The following UNC13A variants were observed in gnomAD, a reference collection of about 807,000 sequenced individuals.
UNC13A encodes unc-13 homolog A.
In UNC13A, 61 loss-of-function variants were observed where a neutral mutation model predicts 219.7. The ratio of observed to expected loss-of-function variants is 0.28; its 90% CI spans 0.23 to 0.34. UNC13A has a LOEUF of 0.34. UNC13A is among the 10% of genes least tolerant of loss of function. UNC13A has a pLI of 1.00. For synonymous variants in UNC13A, 920 were observed against 884.6 expected, an observed-to-expected ratio of 1.04 and a Z score of -0.71; for missense variants, 1,476 against 2,270.3, an observed-to-expected ratio of 0.65 and a Z score of 7.11.
rs531626793 is a variant in UNC13A at position 17,611,170 on chromosome 19, AAAACC to A, written c.4651+588_4651+592del. Among the ~76,000 whole-genome samples the A allele has an allele frequency of 2.2e-3, 335 of 152,274 alleles. 1 individual carries two copies. The highest frequency in any genetic ancestry group is 3.4e-3 in the Middle Eastern group (1 of 294). On this transcript the variant is annotated intron_variant, in intron 42 of 43. Coordinates refer to ENST00000519716, the MANE Select transcript of UNC13A (RefSeq NM_001080421.3). ...GCTACTTAAACTGTTATCCCAGAGA[AAAACC>A]AATTCTATCATTTTTGTTTGTTTGT...
chr19:17,613,702 C>CTTTTTTT (rs1157023997), intron 41 of UNC13A: 5 of 124,244 alleles, frequency 4.0e-5, no homozygotes, highest in East Asian at 2.7e-4. Flanking sequence ...TCTTAAGTTT[C>CTTTTTTT]TTTTTTTTTT....
intron 5 of UNC13A, 109 bp downstream of exon 5, chr19:17,669,444 C>G: frequency 7.0e-7 from 1 of 1,421,882 alleles, no homozygotes; most frequent in Non-Finnish European, 9.4e-7. Context: ...TCATTCTCAG[C>G]CTGAAGGGTC....
chr19:17,626,396 CA>C, intron 34 of UNC13A: 1 of 485,656 alleles, frequency 2.1e-6, no homozygotes, highest in Non-Finnish European at 3.7e-6. Flanking sequence ...ACCCATCCCT[CA>C]TGTCACCTAT....
At chr19:17,660,535 GT>G (rs11383230) in intron 8 of UNC13A, among the ~76,000 whole-genome samples, 10 of 139,662 alleles carry the variant, frequency 7.2e-5, no homozygotes, top group South Asian at 2.2e-4. Flanking sequence ...TGGTTTTTGG[GT>G]TTTTTTTTTT....
intron 43 of UNC13A, among the ~76,000 whole-genome samples, chr19:17,606,586 A>AT (rs1019071102): frequency 1.3e-5 from 2 of 150,138 alleles, no homozygotes; most frequent in African/African-American, 4.9e-5. Flanking sequence ...TGTTCTTCCC[A>AT]TTTTTCCACC....
At chr19:17,636,680 C>T (rs2076915503) in intron 25 of UNC13A, among the ~76,000 whole-genome samples, 1 of 152,162 alleles carries the variant, frequency 6.6e-6, no homozygotes, top group African/African-American at 2.4e-5. Context: ...CTCAACTCTA[C>T]CCAAGTCAAC....
intron 1 of UNC13A, among the ~76,000 whole-genome samples, chr19:17,682,847 G>T (rs1260366506): frequency 6.6e-6 from 1 of 152,100 alleles, no homozygotes; most frequent in African/African-American, 2.4e-5. Context: ...TAGATCACTT[G>T]GTGGTCAGGA....
At chr19:17,618,075 C>A (rs1447324598) in intron 40 of UNC13A, among the ~76,000 whole-genome samples, 1 of 152,234 alleles carries the variant, frequency 6.6e-6, no homozygotes, top group African/African-American at 2.4e-5. Context: ...CAGCCCCCAT[C>A]CTTCCCTCTA....
intron 37 of UNC13A, 139 bp from the exon 38 acceptor site, chr19:17,620,861 C>A: frequency 2.1e-6 from 2 of 949,906 alleles, no homozygotes; most frequent in Non-Finnish European, 3.3e-6. Context: ...TAATGGTGGG[C>A]CCCCTCCCCA....
chr19:17,666,907 AG>A (rs869134439), intron 6 of UNC13A, among the ~76,000 whole-genome samples: 80,047 of 136,338 alleles, frequency 0.59, 22,744 homozygotes, highest in Middle Eastern at 0.71. Context: ...AGAGAGAGAG[AG>A]AGAAAGACAG....
intron 41 of UNC13A, chr19:17,612,271 AC>A (rs2076612375): frequency 6.4e-6 from 1 of 155,344 alleles, no homozygotes; most frequent in Non-Finnish European, 1.4e-5. Context: ...ACTCCCTCCA[AC>A]CCCCTTTTGT....
intron 9 of UNC13A, 137 bp downstream of exon 9, chr19:17,657,925 G>T: frequency 5.1e-6 from 4 of 780,090 alleles, no homozygotes; most frequent in South Asian, 2.0e-5. Context: ...ACAAGAAAAT[G>T]TGAATTCTGC....
chr19:17,680,701 C>T (rs2079990740), intron 1 of UNC13A, among the ~76,000 whole-genome samples: 1 of 151,904 alleles, frequency 6.6e-6, no homozygotes, highest in Non-Finnish European at 1.5e-5. Context: ...CTTCCTCCCT[C>T]ACCCCTTCTG....
chr19:17,610,232 A>C (rs2076587675), intron 42 of UNC13A, 133 bp from the exon 43 acceptor site: 2 of 1,212,156 alleles, frequency 1.6e-6, no homozygotes, highest in Non-Finnish European at 2.3e-6. Flanking sequence ...TCGGGAGGCC[A>C]AGGCGGGTGG....
chr19:17,678,574 T>C (rs2079945163), intron 1 of UNC13A, among the ~76,000 whole-genome samples: 1 of 151,204 alleles, frequency 6.6e-6, no homozygotes, highest in Non-Finnish European at 1.5e-5. Context: ...ATCTCTGTCT[T>C]TTTTTTTTCT....
At chr19:17,680,526 G>A (rs1330652586) in intron 1 of UNC13A, among the ~76,000 whole-genome samples, 1 of 152,156 alleles carries the variant, frequency 6.6e-6, no homozygotes, top group Non-Finnish European at 1.5e-5. Flanking sequence ...CAGAAGCGCT[G>A]ACTGATGAAT....
intron 34 of UNC13A, 74 bp downstream of exon 34, chr19:17,626,559 C>T: frequency 7.0e-7 from 1 of 1,424,746 alleles, no homozygotes; most frequent in Non-Finnish European, 9.2e-7. Context: ...ACACCCTCTC[C>T]AGCCAGTCCC....
intron 8 of UNC13A, among the ~76,000 whole-genome samples, chr19:17,660,587 A>G (rs928258187): frequency 6.7e-6 from 1 of 148,316 alleles, no homozygotes; most frequent in Admixed American, 6.8e-5. Context: ...GCTGGAGTGC[A>G]ATGGTACGAT....
intron 1 of UNC13A, 88 bp downstream of exon 1, chr19:17,688,090 C>T: frequency 1.4e-5 from 21 of 1,469,396 alleles, no homozygotes; most frequent in Non-Finnish European, 1.9e-5. Flanking sequence ...GGTCACCCCC[C>T]AGGAACCCCC....
Sources: allele counts gnomAD v4.1 joint callset (sites outside exome capture counted in the v4.1 genomes callset), GRCh38; gene constraint gnomAD v4.1.1; transcripts MANE v1.5; gene names NCBI Gene and HGNC (gene_info 2026-07-23, HGNC 2026-07-21).